WWTR1: variants seen among roughly 807,000 people sequenced by gnomAD.
The protein encoded by WWTR1 is WW domain containing transcription regulator 1, also known as WW domain-containing transcription regulator protein 1.
Under a neutral mutation model 40.1 loss-of-function variants are expected in WWTR1, and 13 were observed. The ratio of observed to expected loss-of-function variants is 0.32; its 90% CI spans 0.21 to 0.52. The LOEUF (loss-of-function observed/expected upper bound fraction) is 0.52. Ranked by LOEUF, WWTR1 falls within the 20% of genes least tolerant of loss-of-function variation. The pLI is 0.97. For synonymous variants in WWTR1, 230 were observed against 210.1 expected (o/e 1.09, Z -0.82); for missense variants, 436 against 523.1 (o/e 0.83, Z 1.63).
intron 3 of WWTR1, among the ~76,000 whole-genome samples, chr3:149,557,040 A>C (rs932172447): frequency 7.8e-6 from 1 of 127,872 alleles, no homozygotes; most frequent in Non-Finnish European, 1.6e-5. Context: ...TAAAACTCCT[A>C]GTGTTCCCTA....
intron 2 of WWTR1, among the ~76,000 whole-genome samples, chr3:149,583,894 A>G (rs895691789): frequency 2.0e-4 from 31 of 152,160 alleles, no homozygotes; most frequent in Non-Finnish European, 4.0e-4. Flanking sequence ...AATGGTCCAG[A>G]GCCTGACACT....
chr3:149,573,287 G>A (rs949299006), intron 2 of WWTR1, among the ~76,000 whole-genome samples: 5 of 152,054 alleles, frequency 3.3e-5, no homozygotes, highest in Non-Finnish European at 7.4e-5. Flanking sequence ...CCCTCGGCCC[G>A]TGGAGCTTGT....
At chr3:149,677,544 C>G (rs1301960763) in intron 1 of WWTR1, among the ~76,000 whole-genome samples, 1 of 152,066 alleles carries the variant, frequency 6.6e-6, no homozygotes, top group Non-Finnish European at 1.5e-5. Context: ...GGTGTTCCCA[C>G]AGGAACCTAA....
intron 4 of WWTR1, among the ~76,000 whole-genome samples, chr3:149,539,713 A>G (rs1283207764): frequency 1.3e-5 from 2 of 152,212 alleles, no homozygotes; most frequent in Non-Finnish European, 2.9e-5. Flanking sequence ...AAGTGAGCCA[A>G]AGATCACTTT....
At chr3:149,551,822 T>A (rs187961107) in intron 3 of WWTR1, among the ~76,000 whole-genome samples, 2 of 145,778 alleles carry the variant, frequency 1.4e-5, no homozygotes, top group African/African-American at 2.6e-5. Context: ...CAGGAGCCAG[T>A]ACAAAATGAC....
At chr3:149,584,865 T>C (rs1738337371) in intron 2 of WWTR1, among the ~76,000 whole-genome samples, 1 of 152,152 alleles carries the variant, frequency 6.6e-6, no homozygotes, top group Non-Finnish European at 1.5e-5. Flanking sequence ...TGAGGCTGTT[T>C]TGAGAATTTC....
At chr3:149,614,692 G>C (rs1026137213) in intron 2 of WWTR1, among the ~76,000 whole-genome samples, 4 of 152,040 alleles carry the variant, frequency 2.6e-5, no homozygotes, top group African/African-American at 9.7e-5. Context: ...ACATCAGAAC[G>C]ATAGCTTAGG....
At chr3:149,530,891 A>C (rs927068031) in intron 4 of WWTR1, among the ~76,000 whole-genome samples, 1 of 152,006 alleles carries the variant, frequency 6.6e-6, no homozygotes, top group Non-Finnish European at 1.5e-5. Context: ...CTGACTAACA[A>C]ATAAGAGAAA....
chr3:149,554,586 T>A (rs550841945), intron 3 of WWTR1, among the ~76,000 whole-genome samples: 22 of 152,316 alleles, frequency 1.4e-4, no homozygotes, highest in East Asian at 9.6e-4. Context: ...ATGTATATTT[T>A]ATTGGCATTT....
intron 2 of WWTR1, among the ~76,000 whole-genome samples, chr3:149,620,077 T>C (rs967758087): frequency 6.6e-6 from 1 of 152,210 alleles, no homozygotes; most frequent in South Asian, 2.1e-4. Context: ...AGAAAAACGC[T>C]TTCTTAAATC....
At chr3:149,691,739 G>A (rs551088901) in intron 1 of WWTR1, among the ~76,000 whole-genome samples, 23 of 152,228 alleles carry the variant, frequency 1.5e-4, no homozygotes, top group African/African-American at 4.6e-4. Context: ...AAAGAAGGCC[G>A]GGCGCGGTGG....
At chr3:149,584,475 G>A (rs937380774) in intron 2 of WWTR1, among the ~76,000 whole-genome samples, 1 of 152,104 alleles carries the variant, frequency 6.6e-6, no homozygotes, top group Non-Finnish European at 1.5e-5. Context: ...CATGAACCCC[G>A]GCATCTCAAG....
intron 3 of WWTR1, among the ~76,000 whole-genome samples, chr3:149,572,601 G>A (rs892543103): frequency 5.3e-5 from 8 of 152,038 alleles, no homozygotes; most frequent in African/African-American, 1.9e-4. Context: ...CACCGTCTGG[G>A]TGCATGAAGA....
intron 2 of WWTR1, among the ~76,000 whole-genome samples, chr3:149,632,011 G>A (rs1370094728): frequency 6.6e-6 from 1 of 152,108 alleles, no homozygotes; most frequent in Admixed American, 6.5e-5. Context: ...CCAGGCTCAA[G>A]TGATCCTCCC....
At chr3:149,595,484 T>C (rs1324553645) in intron 2 of WWTR1, among the ~76,000 whole-genome samples, 1 of 152,182 alleles carries the variant, frequency 6.6e-6, no homozygotes, top group African/African-American at 2.4e-5. Context: ...ATATCATATA[T>C]TTTATTTGCT....
chr3:149,723,560 A>C (rs1256004168), intron 4 of WWTR1, among the ~76,000 whole-genome samples: 1 of 151,780 alleles, frequency 6.6e-6, no homozygotes, highest in African/African-American at 2.4e-5. Context: ...CAGAAGTATA[A>C]AGTTAAGATC....
intron 3 of WWTR1, among the ~76,000 whole-genome samples, chr3:149,557,201 G>A (rs1736870979): frequency 6.7e-6 from 1 of 149,516 alleles, no homozygotes. Context: ...CTCCCAAGTA[G>A]TTGAGATTAC....
intron 5 of WWTR1, among the ~76,000 whole-genome samples, chr3:149,709,543 A>G (rs1715427019): frequency 6.6e-6 from 1 of 152,156 alleles, no homozygotes; most frequent in South Asian, 2.1e-4. Context: ...TTTCTTTGCT[A>G]TGATTATAAC....
chr3:149,661,248 G>C (rs951606494), upstream of WWTR1: 1 of 152,436 alleles, frequency 6.6e-6, no homozygotes, highest in Admixed American at 6.5e-5. Context: ...CAACCCCACC[G>C]GCTGACTGCA....
Sources: gnomAD v4.1 joint callset for allele counts (sites outside exome capture counted in the v4.1 genomes callset) on GRCh38, gnomAD v4.1.1 for gene constraint, MANE v1.5 for transcripts, NCBI Gene and HGNC (gene_info 2026-07-23, HGNC 2026-07-21) for gene names.